DUSP16: variants seen among roughly 807,000 people sequenced by gnomAD.
DUSP16 encodes the protein dual specificity protein phosphatase 16.
In DUSP16, 21 loss-of-function variants were observed where a neutral mutation model predicts 58.3. The ratio of observed to expected loss-of-function variants is 0.36; its 90% CI spans 0.26 to 0.52. The LOEUF (loss-of-function observed/expected upper bound fraction) is 0.52. Ranked by LOEUF, DUSP16 falls within the 20% of genes least tolerant of loss-of-function variation. The pLI, the probability that DUSP16 is intolerant of heterozygous loss-of-function variation, is 0.94. For synonymous variants in DUSP16, 320 were observed against 323.8 expected (o/e 0.99, Z 0.12); for missense variants, 726 against 819.0 (o/e 0.89, Z 1.39).
intron 3 of DUSP16, among the ~76,000 whole-genome samples, chr12:12,510,180 T>C (rs1309585292): frequency 2.0e-5 from 3 of 152,012 alleles, no homozygotes; most frequent in African/African-American, 4.8e-5. Flanking sequence ...AGGAAACCAA[T>C]GAGACACCAA....
intron 3 of DUSP16, among the ~76,000 whole-genome samples, chr12:12,515,150 T>G (rs1451427805): frequency 6.6e-6 from 1 of 152,094 alleles, no homozygotes; most frequent in Admixed American, 6.5e-5. Context: ...CTTAATTATA[T>G]AAGCTTTCCT....
intron 1 of DUSP16, among the ~76,000 whole-genome samples, chr12:12,530,136 T>C (rs528449608): frequency 1.3e-5 from 2 of 152,254 alleles, no homozygotes; most frequent in African/African-American, 2.4e-5. Context: ...CCACTAACAG[T>C]GTATAAGGGT....
At chr12:12,483,400 CTTTT>C (rs200584145) in intron 5 of DUSP16, among the ~76,000 whole-genome samples, 1 of 150,146 alleles carries the variant, frequency 6.7e-6, no homozygotes, top group Non-Finnish European at 1.5e-5. Context: ...TACTTTTTTT[CTTTT>C]TTTTTCATTT....
At chr12:12,482,572 T>G (rs977795643) in intron 5 of DUSP16, among the ~76,000 whole-genome samples, 2 of 152,220 alleles carry the variant, frequency 1.3e-5, no homozygotes, top group Non-Finnish European at 2.9e-5. Flanking sequence ...AAGGGAAATG[T>G]GTGCGAGAAA....
chr12:12,509,094 G>A (rs12315687), intron 3 of DUSP16, among the ~76,000 whole-genome samples: 342 of 152,158 alleles, frequency 2.2e-3, no homozygotes, highest in Non-Finnish European at 3.9e-3. Flanking sequence ...CCTCTTAAAC[G>A]TCCTGAAACA....
At chr12:12,502,492 C>G (rs1240029220) in intron 3 of DUSP16, among the ~76,000 whole-genome samples, 1 of 151,662 alleles carries the variant, frequency 6.6e-6, no homozygotes, top group Non-Finnish European at 1.5e-5. Context: ...ATAGAAATCA[C>G]AAATTCCTTT....
chr12:12,524,845 G>A (rs892567432), intron 1 of DUSP16, among the ~76,000 whole-genome samples: 1 of 152,062 alleles, frequency 6.6e-6, no homozygotes, highest in African/African-American at 2.4e-5. Context: ...GTATGAACGT[G>A]TACAGTTTAT....
chr12:12,499,514 T>C (rs552371175), intron 4 of DUSP16, among the ~76,000 whole-genome samples: 2 of 152,302 alleles, frequency 1.3e-5, no homozygotes, highest in African/African-American at 4.8e-5. Context: ...GAATGCCTTA[T>C]TGCTACCCAA....
intron 1 of DUSP16, among the ~76,000 whole-genome samples, chr12:12,525,693 T>C (rs1181924813): frequency 2.1e-4 from 31 of 150,842 alleles, no homozygotes; most frequent in Admixed American, 2.0e-3. Context: ...AGCAACACAG[T>C]GAGACCCTAT....
At chr12:12,494,223 T>C (rs1943798549) in intron 4 of DUSP16, among the ~76,000 whole-genome samples, 1 of 152,222 alleles carries the variant, frequency 6.6e-6, no homozygotes, top group South Asian at 2.1e-4. Flanking sequence ...GGGTTGAAAA[T>C]TTTAGATTCT....
intron 1 of DUSP16, among the ~76,000 whole-genome samples, chr12:12,559,859 C>A (rs76994686): frequency 0.024 from 3,639 of 152,168 alleles, 86 homozygotes; most frequent in East Asian, 0.13. Context: ...CTACTCTTCC[C>A]CCCTCCCATC....
chr12:12,562,706 G>A lies in DUSP16; in HGVS notation c.-955C>T, dbSNP rs1410038242. ...TGAATGAACTCAGCGGAGCCCCGGG[G>A]AAAGGAGGAGACAGGCGAGGGCAGG... On this transcript the variant is annotated 5_prime_UTR_variant, in exon 1 of 7. Transcript: ENST00000298573. Among the ~76,000 whole-genome samples, 6 of 151,698 alleles carry A rather than the reference G, an allele frequency of 4.0e-5. No individual in the cohort carries two copies. Among genetic ancestry groups the A allele is most frequent in the Admixed American group, 3.9e-4 (6 of 15,232 alleles).
At chr12:12,561,917 C>T (rs1222206512) in intron 1 of DUSP16, among the ~76,000 whole-genome samples, 200 bp downstream of exon 1, 3 of 150,482 alleles carry the variant, frequency 2.0e-5, no homozygotes, top group African/African-American at 7.3e-5. Context: ...CTGCGGCCCC[C>T]GGCCGCGGTC....
rs114696184 is a variant in DUSP16 at position 12,481,960 on chromosome 12, T to C, written c.692-1614A>G. 1.6e-3 allele frequency among the ~76,000 whole-genome samples: 248 copies of C among 152,356 alleles called. 4 individuals are homozygous for C. The highest frequency in any genetic ancestry group is 5.6e-3 in the African/African-American group (233 of 41,576). On this transcript the variant is annotated intron_variant, in intron 5 of 6. Transcript: ENST00000298573. The stretch of plus-strand genomic sequence containing the variant: ...AATTCAGACTTTTTGTCAGTTACTG[T>C]ACATTTCCTAGCCCCTATTACTTGA...
At chr12:12,547,904 C>G (rs570842531) in intron 1 of DUSP16, among the ~76,000 whole-genome samples, 1 of 152,210 alleles carries the variant, frequency 6.6e-6, no homozygotes, top group East Asian at 1.9e-4. Context: ...CTGGAAAAAC[C>G]TTAGATATCA....
At chr12:12,497,559 G>T (rs1943846700) in intron 4 of DUSP16, among the ~76,000 whole-genome samples, 1 of 151,874 alleles carries the variant, frequency 6.6e-6, no homozygotes, top group South Asian at 2.1e-4. Context: ...TATTATGAGG[G>T]TTAAATGCAA....
At position 12,473,890 on chromosome 12, in the gene DUSP16, T is replaced by C. The variant is rs1321738400; in HGVS notation, c.*2943A>G. On this transcript the variant is annotated 3_prime_UTR_variant, in exon 7 of 7. Transcript: ENST00000298573. ...TATATCGAAATGGGCCATGTGTGTG[T>C]AGCTGGCCTTTTTTTTCCTACCATG... is the stretch of plus-strand genomic sequence containing the variant. Among the ~76,000 whole-genome samples the C allele has an allele frequency of 6.6e-6, 1 of 152,246 alleles. No individual in the cohort carries two copies. The highest frequency in any genetic ancestry group is 1.5e-5 in the Non-Finnish European group (1 of 68,046).
intron 4 of DUSP16, among the ~76,000 whole-genome samples, chr12:12,499,808 T>A (rs901070558): frequency 9.9e-5 from 15 of 152,162 alleles, no homozygotes; most frequent in African/African-American, 3.6e-4. Context: ...TTTGCAGCAT[T>A]ACTAATTAAG....
At chr12:12,542,546 A>G (rs1329049418) in intron 1 of DUSP16, among the ~76,000 whole-genome samples, 1 of 152,180 alleles carries the variant, frequency 6.6e-6, no homozygotes, top group African/African-American at 2.4e-5. Flanking sequence ...CTAGAATTAG[A>G]TAGTAGTGAT....
Sources: gnomAD v4.1 joint callset for allele counts (sites outside exome capture counted in the v4.1 genomes callset) on GRCh38, gnomAD v4.1.1 for gene constraint, MANE v1.5 for transcripts, NCBI Gene and HGNC (gene_info 2026-07-23, HGNC 2026-07-21) for gene names.